Variants in ROBO1 observed in about 807,000 individuals in gnomAD.
ROBO1 encodes the protein roundabout guidance receptor 1.
A neutral mutation model predicts 195.9 loss-of-function variants in ROBO1; 149 were observed. That is an observed-to-expected ratio of 0.76 (90% CI 0.67 to 0.87). ROBO1 has a LOEUF of 0.87. Ranked by LOEUF, ROBO1 falls within the 40% of genes least tolerant of loss-of-function variation. ROBO1 has a pLI of 0.00. For synonymous variants in ROBO1, 816 were observed against 733.2 expected (o/e 1.11, Z -1.82); for missense variants, 1,933 against 2,068.3 (o/e 0.93, Z 1.27).
intron 2 of ROBO1, among the ~76,000 whole-genome samples, chr3:79,388,468 T>A (rs561804458): frequency 6.6e-6 from 1 of 151,956 alleles, no homozygotes; most frequent in Admixed American, 6.6e-5. Flanking sequence ...TCTTCATTCA[T>A]AATAAAATAA....
intron 2 of ROBO1, among the ~76,000 whole-genome samples, chr3:79,376,007 C>G (rs1026411099): frequency 2.0e-5 from 3 of 152,164 alleles, no homozygotes; most frequent in Non-Finnish European, 4.4e-5. Flanking sequence ...ATTTTTCTTG[C>G]TGTGGTAGTC....
chr3:79,332,090 C>G (rs908126454), intron 2 of ROBO1, among the ~76,000 whole-genome samples: 2 of 149,714 alleles, frequency 1.3e-5, no homozygotes, highest in African/African-American at 5.0e-5. Flanking sequence ...TTACAGTGAG[C>G]CGAGATTGTG....
At chr3:78,904,264 T>C (rs2037760372) in intron 4 of ROBO1, among the ~76,000 whole-genome samples, 1 of 152,062 alleles carries the variant, frequency 6.6e-6, no homozygotes, top group African/African-American at 2.4e-5. Flanking sequence ...ATTCAGTAGG[T>C]TGAAGTTCAC....
chr3:79,242,503 T>A (rs2108883724), intron 2 of ROBO1, among the ~76,000 whole-genome samples: 1 of 152,212 alleles, frequency 6.6e-6, no homozygotes, highest in African/African-American at 2.4e-5. Flanking sequence ...TCAAGAAAAG[T>A]TACCACTATA....
At chr3:78,969,672 G>A (rs1184695236) in intron 3 of ROBO1, among the ~76,000 whole-genome samples, 6 of 152,102 alleles carry the variant, frequency 3.9e-5, no homozygotes, top group Non-Finnish European at 7.4e-5. Flanking sequence ...CTATTGTGAC[G>A]TGTCTGGCAG....
chr3:78,637,145 T>C (rs944086366), intron 22 of ROBO1, among the ~76,000 whole-genome samples: 21 of 145,656 alleles, frequency 1.4e-4, no homozygotes, highest in Admixed American at 1.3e-4. Context: ...GCATTGGTTT[T>C]TAACTGGATA....
intron 2 of ROBO1, among the ~76,000 whole-genome samples, chr3:79,158,960 T>C (rs553040528): frequency 1.3e-5 from 2 of 152,104 alleles, no homozygotes; most frequent in Admixed American, 1.3e-4. Context: ...TTAGGTGCCA[T>C]TCACTTCTTT....
At chr3:79,454,515 A>G (rs1487727870) in intron 2 of ROBO1, among the ~76,000 whole-genome samples, 1 of 152,096 alleles carries the variant, frequency 6.6e-6, no homozygotes, top group Non-Finnish European at 1.5e-5. Context: ...CAATTGACAG[A>G]CCACCTTCAA....
chr3:79,666,231 T>C (rs1365859579), intron 1 of ROBO1, among the ~76,000 whole-genome samples: 1 of 151,850 alleles, frequency 6.6e-6, no homozygotes, highest in Non-Finnish European at 1.5e-5. Context: ...AAAAGCAAGC[T>C]AAAAAGAATC....
intron 2 of ROBO1, among the ~76,000 whole-genome samples, chr3:79,181,353 A>C (rs528161368): frequency 1.3e-5 from 2 of 152,340 alleles, no homozygotes; most frequent in South Asian, 4.1e-4. Context: ...AACATGTACT[A>C]AGGTATAAAG....
chr3:79,589,941 C>T lies in ROBO1; in HGVS notation c.-30G>A. 1 of 1,484,610 alleles carries T rather than the reference C, an allele frequency of 6.7e-7. No homozygotes were observed. The highest frequency in any genetic ancestry group is 9.4e-7 in the Non-Finnish European group (1 of 1,064,252). 92.0% of individuals were successfully genotyped at this position (1,484,610 alleles called of 1,614,324 possible). A position where few individuals can be genotyped will look rare whatever the true frequency, so the allele number is the denominator to read the frequency against. On this transcript the variant is annotated 5_prime_UTR_variant, in exon 2 of 31. Transcript: ENST00000464233. ...GTCCCTTCCTTGCATTACAACCAGCCAGTGACAGACAATGTGTTATCTGGG... is the reference window on the plus strand; with the variant it reads ...GTCCCTTCCTTGCATTACAACCAGCTAGTGACAGACAATGTGTTATCTGGG...
chr3:79,356,759 GTTTGTAT>G (rs749772995), intron 2 of ROBO1, among the ~76,000 whole-genome samples: 1 of 152,094 alleles, frequency 6.6e-6, no homozygotes, highest in Non-Finnish European at 1.5e-5. Context: ...CTAGTGTGTA[GTTTGTAT>G]TTCCATTTGT....
At position 79,699,083 on chromosome 3, in the gene ROBO1, TTATA is replaced by T. The variant is rs151108197; in HGVS notation, c.-51+68665_-51+68668del. Among the ~76,000 whole-genome samples, 1,396 of 147,442 alleles carry T rather than the reference TTATA, an allele frequency of 9.5e-3. 12 individuals are homozygous for T. Among genetic ancestry groups the T allele is most frequent in the Middle Eastern group, 0.036 (10 of 276 alleles). ...ATAACTAAGATATATATTTATTAAT[TTATA>T]TATATATATATGACATTAACATTTA... On this transcript the variant is annotated intron_variant, in intron 1 of 30. Coordinates refer to ENST00000464233, the MANE Select transcript of ROBO1 (RefSeq NM_002941.4).
At chr3:79,384,210 A>G (rs927151642) in intron 2 of ROBO1, among the ~76,000 whole-genome samples, 1 of 152,046 alleles carries the variant, frequency 6.6e-6, no homozygotes, top group Non-Finnish European at 1.5e-5. Flanking sequence ...TAAAGTTGAT[A>G]CTATATTCTA....
chr3:79,071,337 C>G (rs186393318), intron 3 of ROBO1, among the ~76,000 whole-genome samples: 1 of 151,604 alleles, frequency 6.6e-6, no homozygotes, highest in Non-Finnish European at 1.5e-5. Context: ...TTATTTATCA[C>G]TTTGGTTTTC....
chr3:79,397,390 G>A (rs1225811397), intron 2 of ROBO1, among the ~76,000 whole-genome samples: 1 of 152,026 alleles, frequency 6.6e-6, no homozygotes. Flanking sequence ...TTTCCAGTCA[G>A]TAAACATCTC....
rs570545796 is a variant in ROBO1 at position 78,705,619 on chromosome 3, G to A, written c.1045+8778C>T. ...TGGGTTAGGGGATGTCCAGACAATGGGCAACATGTATTTCTGGGAGTGTCT... is the reference window on the plus strand; with the variant it reads ...TGGGTTAGGGGATGTCCAGACAATGAGCAACATGTATTTCTGGGAGTGTCT... On this transcript the variant is annotated intron_variant, in intron 8 of 30. Coordinates refer to ENST00000464233, the MANE Select transcript of ROBO1 (RefSeq NM_002941.4). Among the ~76,000 whole-genome samples, 4 of 152,244 alleles carry A rather than the reference G, an allele frequency of 2.6e-5. No individual in the cohort carries two copies. The South Asian group carries it at 8.3e-4, about 32-fold the overall frequency.
At chr3:79,715,131 A>T (rs1272333263) in intron 1 of ROBO1, among the ~76,000 whole-genome samples, 1 of 152,010 alleles carries the variant, frequency 6.6e-6, no homozygotes, top group Admixed American at 6.6e-5. Flanking sequence ...GATGGAATGT[A>T]CTCCTGGTGA....
intron 3 of ROBO1, among the ~76,000 whole-genome samples, chr3:79,045,484 A>T (rs1175272214): frequency 1.3e-5 from 2 of 152,072 alleles, no homozygotes; most frequent in Non-Finnish European, 2.9e-5. Context: ...ACATATGGAG[A>T]TATATGGAGA....
Sources: gnomAD v4.1 joint callset for allele counts (sites outside exome capture counted in the v4.1 genomes callset) on GRCh38, gnomAD v4.1.1 for gene constraint, MANE v1.5 for transcripts, NCBI Gene and HGNC (gene_info 2026-07-23, HGNC 2026-07-21) for gene names.